Variants in TCF7L2 observed in about 807,000 individuals in gnomAD.
TCF7L2 encodes the protein transcription factor 7-like 2.
Under a neutral mutation model 77.9 loss-of-function variants are expected in TCF7L2, and 23 were observed. That is an observed-to-expected ratio of 0.30 (90% CI 0.21 to 0.42). TCF7L2 has a LOEUF of 0.42. Ranked by LOEUF, TCF7L2 falls within the 10% of genes least tolerant of loss-of-function variation. The pLI, the probability that TCF7L2 is intolerant of heterozygous loss-of-function variation, is 1.00. For synonymous variants in TCF7L2, 413 were observed against 340.2 expected, an observed-to-expected ratio of 1.21 and a Z score of -2.36; for missense variants, 654 against 793.1, an observed-to-expected ratio of 0.82 and a Z score of 2.11.
chr10:112,964,820 GGTTGAATCAC>G (rs2036336952), intron 4 of TCF7L2, among the ~76,000 whole-genome samples, 196 bp downstream of exon 4: 3 of 144,850 alleles, frequency 2.1e-5, no homozygotes, highest in African/African-American at 5.1e-5. Flanking sequence ...GGTGGGGGGG[GGTTGAATCAC>G]TGGGGGAGAA....
intron 5 of TCF7L2, among the ~76,000 whole-genome samples, chr10:113,087,012 A>G (rs1002354962): frequency 6.6e-6 from 1 of 152,112 alleles, no homozygotes; most frequent in Non-Finnish European, 1.5e-5. Context: ...ACAAGAAAAA[A>G]AAAAGGGCAA....
At chr10:113,152,464 A>T (rs1436006830) in intron 11 of TCF7L2, 24 bp downstream of exon 11, 1 of 1,585,316 alleles carries the variant, frequency 6.3e-7, no homozygotes, top group South Asian at 1.1e-5. Flanking sequence ...TTTCGTTAGG[A>T]TTGGAGTCTG....
At chr10:113,034,608 G>A (rs1320487140) in intron 4 of TCF7L2, among the ~76,000 whole-genome samples, 1 of 152,104 alleles carries the variant, frequency 6.6e-6, no homozygotes, top group Non-Finnish European at 1.5e-5. Flanking sequence ...CAATTAATTC[G>A]ATTTTTTTGG....
chr10:113,040,765 T>C (rs954970604), intron 5 of TCF7L2, among the ~76,000 whole-genome samples: 2 of 152,232 alleles, frequency 1.3e-5, no homozygotes, highest in Non-Finnish European at 1.5e-5. Context: ...ATATTTTTAA[T>C]GTATTTTCTT....
chr10:113,103,579 T>C (rs991207718), intron 5 of TCF7L2, among the ~76,000 whole-genome samples: 28 of 152,164 alleles, frequency 1.8e-4, no homozygotes, highest in Non-Finnish European at 7.4e-5. Flanking sequence ...GGGACCCTCG[T>C]GTTTTTCAAG....
intron 4 of TCF7L2, among the ~76,000 whole-genome samples, chr10:112,966,211 T>TATATATATA (rs57702716): frequency 5.1e-5 from 7 of 137,482 alleles, no homozygotes; most frequent in African/African-American, 1.2e-4. Context: ...TATATATATA[T>TATATATATA]TTTCTTTTCT....
intron 5 of TCF7L2, chr10:113,129,660 C>T (rs560979374): frequency 7.6e-6 from 9 of 1,187,116 alleles, no homozygotes; most frequent in South Asian, 6.4e-5. Context: ...TGAGCCTACT[C>T]GGCCAGGAAT....
chr10:113,039,878 A>G, intron 4 of TCF7L2, 147 bp from the exon 5 acceptor site: 1 of 669,776 alleles, frequency 1.5e-6, no homozygotes, highest in Non-Finnish European at 2.5e-6. Flanking sequence ...TTGGAATTGC[A>G]TGCTTTTTTA....
chr10:112,960,073 C>T (rs1213558372), intron 3 of TCF7L2, among the ~76,000 whole-genome samples: 2 of 151,466 alleles, frequency 1.3e-5, no homozygotes, highest in Admixed American at 6.6e-5. Context: ...TTTAGCAGGA[C>T]GAATAGGCAT....
chr10:113,050,853 T>C (rs1342425499), intron 5 of TCF7L2, among the ~76,000 whole-genome samples: 2 of 152,184 alleles, frequency 1.3e-5, no homozygotes, highest in East Asian at 3.9e-4. Flanking sequence ...TGAAAAGCAC[T>C]GAGTTGGCCA....
intron 4 of TCF7L2, among the ~76,000 whole-genome samples, chr10:113,011,593 G>T (rs1332418404): frequency 6.6e-6 from 1 of 152,018 alleles, no homozygotes; most frequent in Non-Finnish European, 1.5e-5. Flanking sequence ...GAGTATTGCT[G>T]TTGAGTATTA....
chr10:112,967,075 G>T (rs904786883), intron 4 of TCF7L2, among the ~76,000 whole-genome samples: 1 of 152,164 alleles, frequency 6.6e-6, no homozygotes, highest in Admixed American at 6.5e-5. Context: ...AGAAGCAAAG[G>T]GAAAAGAAGG....
chr10:113,144,850 G>C (rs948632039), intron 7 of TCF7L2, among the ~76,000 whole-genome samples: 4 of 152,174 alleles, frequency 2.6e-5, no homozygotes, highest in Non-Finnish European at 5.9e-5. Flanking sequence ...ACTGTGGCAG[G>C]TTGTGTGTAT....
intron 3 of TCF7L2, among the ~76,000 whole-genome samples, chr10:112,954,048 T>C (rs1239166963): frequency 3.3e-5 from 5 of 152,198 alleles, no homozygotes; most frequent in Admixed American, 6.5e-5. Context: ...TGGTAGGCTG[T>C]TGTGTGTCAT....
At chr10:112,955,531 C>T (rs1039764774) in intron 3 of TCF7L2, among the ~76,000 whole-genome samples, 4 of 152,154 alleles carry the variant, frequency 2.6e-5, no homozygotes, top group Admixed American at 6.5e-5. Flanking sequence ...GGGAGCCTAA[C>T]GAGCTTATCT....
chr10:112,964,736 A>ATGG lies in TCF7L2; in HGVS notation c.450+114_450+115insGTG, dbSNP rs1374227980. The ATGG allele has an allele frequency of 3.3e-5, 24 of 733,394 alleles. No individual in the cohort carries two copies. The African/African-American group carries it at 4.1e-4, about 13-fold the overall frequency. The allele number at this position is 733,394 out of a possible 1,614,324, so 45.4% of individuals were successfully genotyped here. A position where few individuals can be genotyped will look rare whatever the true frequency, so the allele number is the denominator to read the frequency against. On this transcript the variant is annotated intron_variant, in intron 4 of 13. Coordinates refer to ENST00000627217, the MANE Select transcript of TCF7L2 (RefSeq NM_001146274.2). ...GATAATGATGATGATGATGATGATG[A>ATGG]TGATGGTGGTGGTGGTGGTGGTGAT... is the stretch of plus-strand genomic sequence containing the variant.
At chr10:113,020,079 C>G (rs1267944896) in intron 4 of TCF7L2, among the ~76,000 whole-genome samples, 1 of 151,918 alleles carries the variant, frequency 6.6e-6, no homozygotes, top group African/African-American at 2.4e-5. Context: ...TGCTGTGGCC[C>G]GAGGGTAAGC....
intron 5 of TCF7L2, among the ~76,000 whole-genome samples, chr10:113,117,901 C>T (rs948064663): frequency 1.3e-5 from 2 of 152,194 alleles, no homozygotes; most frequent in South Asian, 2.1e-4. Flanking sequence ...ACCGAAGTTG[C>T]GTCGCCTCCC....
chr10:113,158,173 C>T lies in TCF7L2; in HGVS notation c.1318+104C>T. On this transcript the variant is annotated intron_variant, in intron 12 of 13. Coordinates refer to ENST00000627217, the MANE Select transcript of TCF7L2 (RefSeq NM_001146274.2). The stretch of plus-strand genomic sequence containing the variant: ...AGGCAGGAGAAATTCAAGGCCAGGA[C>T]ATTGTGGGGGAACCCTTCTTAGCTA... 2.4e-5 allele frequency: 30 copies of T among 1,230,522 alleles called. 1 individual carries two copies. The South Asian group carries it at 4.0e-4, about 16-fold the overall frequency. 76.2% of individuals were successfully genotyped at this position (1,230,522 alleles called of 1,614,324 possible).
Sources: gnomAD v4.1 joint callset for allele counts (sites outside exome capture counted in the v4.1 genomes callset) on GRCh38, gnomAD v4.1.1 for gene constraint, MANE v1.5 for transcripts, NCBI Gene and HGNC (gene_info 2026-07-23, HGNC 2026-07-21) for gene names.